ATP13A4: variants seen among roughly 807,000 people sequenced by gnomAD.
ATP13A4 encodes probable cation-transporting ATPase 13A4.
A neutral mutation model predicts 142.5 loss-of-function variants in ATP13A4; 114 were observed. The ratio of observed to expected loss-of-function variants is 0.80; its 90% CI spans 0.69 to 0.93. The LOEUF is 0.93. ATP13A4 is among the 40% of genes least tolerant of loss of function. The pLI, the probability that ATP13A4 is intolerant of heterozygous loss-of-function variation, is 0.00. For synonymous variants in ATP13A4, 488 were observed against 514.8 expected (o/e 0.95, Z 0.70); for missense variants, 1,392 against 1,454.0 (o/e 0.96, Z 0.69).
At chr3:193,557,069 T>C (rs1382041622), upstream of ATP13A4, among the ~76,000 whole-genome samples, 3 of 152,182 alleles carry the variant, frequency 2.0e-5, no homozygotes, top group Non-Finnish European at 2.9e-5. Context: ...CGTTGTGGGA[T>C]TGAGATGAGT....
At chr3:193,436,275 A>G (rs1164833425) in intron 23 of ATP13A4, among the ~76,000 whole-genome samples, 4 of 152,204 alleles carry the variant, frequency 2.6e-5, no homozygotes, top group African/African-American at 4.8e-5. Context: ...CAAATTAGTC[A>G]TATATCAAAT....
rs769634780 is a variant in ATP13A4 at position 193,493,125 on chromosome 3, A to G, written c.417T>C (p.Val139=). 3.5e-5 allele frequency: 56 copies of G among 1,613,206 alleles called. No individual in the cohort carries two copies. Among genetic ancestry groups the G allele is most frequent in the Non-Finnish European group, 4.7e-5 (56 of 1,179,662 alleles). Residue 139 remains valine, a synonymous_variant, in exon 4 of 30, where the codon GTT becomes GTC. Transcript: ENST00000342695. Reference sequence around the variant, plus strand: ...GGAACTGTCCTTCTAAGTAGTTCCAAACATATCTTATTTTCTGCACTTTGA... The same window carrying G: ...GGAACTGTCCTTCTAAGTAGTTCCAGACATATCTTATTTTCTGCACTTTGA... ...RCIKVQKIRY[V]WNYLEGQFQK... is the part of the protein sequence containing the mutation.
chr3:193,428,606 C>G (rs1378628507), intron 25 of ATP13A4, among the ~76,000 whole-genome samples: 4 of 151,934 alleles, frequency 2.6e-5, no homozygotes, highest in African/African-American at 9.7e-5. Flanking sequence ...GAATACTATG[C>G]AGCCATAAAA....
intron 1 of ATP13A4, among the ~76,000 whole-genome samples, chr3:193,551,609 C>T (rs1723569876): frequency 6.6e-6 from 1 of 152,180 alleles, no homozygotes; most frequent in African/African-American, 2.4e-5. Context: ...GGATTATCTC[C>T]ACTGATCTTC....
chr3:193,467,258 C>T, intron 10 of ATP13A4, 58 bp downstream of exon 10: 1 of 1,576,466 alleles, frequency 6.3e-7, no homozygotes, highest in Non-Finnish European at 8.7e-7. Context: ...ATTTAAGGCA[C>T]TAGACAAACT....
Position 193,449,910 on chromosome 3 carries a change from G to A in ATP13A4, c.2028-1580C>T, listed in dbSNP as rs186876956. 2.0e-3 allele frequency among the ~76,000 whole-genome samples: 308 copies of A among 151,998 alleles called. 2 individuals carry two copies. The highest frequency in any genetic ancestry group is 2.9e-3 in the Non-Finnish European group (199 of 67,940). ...CGAGGTGGACGGATCACCTGAGGTCGGGAGTTCGAGACGAGCCTGACCAAC... is the reference window on the plus strand; with the variant it reads ...CGAGGTGGACGGATCACCTGAGGTCAGGAGTTCGAGACGAGCCTGACCAAC... On this transcript the variant is annotated intron_variant, in intron 17 of 29. Coordinates refer to ENST00000342695, the MANE Select transcript of ATP13A4 (RefSeq NM_032279.4).
At chr3:193,584,927 T>TG (rs969416193) in intron 1 of ATP13A4, among the ~76,000 whole-genome samples, 1 of 152,210 alleles carries the variant, frequency 6.6e-6, no homozygotes, top group African/African-American at 2.4e-5. Context: ...TGATATGGAA[T>TG]GTTCCCATGT....
chr3:193,547,882 A>T (rs896921067), intron 1 of ATP13A4, among the ~76,000 whole-genome samples: 1 of 152,176 alleles, frequency 6.6e-6, no homozygotes, highest in African/African-American at 2.4e-5. Flanking sequence ...GGTCTTGCAA[A>T]TTATGTACTC....
intron 28 of ATP13A4, among the ~76,000 whole-genome samples, chr3:193,410,571 T>C (rs1714717435): frequency 6.6e-6 from 1 of 151,978 alleles, no homozygotes; most frequent in African/African-American, 2.4e-5. Flanking sequence ...TTTAAAAAAT[T>C]AGCTGGGCAT....
rs192034974 is a variant in ATP13A4, at chr3:193,424,470, G to A, written c.2842+9375C>T. On this transcript the variant is annotated intron_variant, in intron 25 of 29. Transcript: ENST00000342695. ...CAGTAACTAAAACAGCTTGGTATTG[G>A]TATAAAATAGACACATAGACCAATG... Among the ~76,000 whole-genome samples, 3 of 149,660 alleles carry A rather than the reference G, an allele frequency of 2.0e-5. 1 individual carries two copies. The Admixed American group carries it at 2.1e-4, about 10-fold the overall frequency.
intron 2 of ATP13A4, among the ~76,000 whole-genome samples, chr3:193,509,089 T>C (rs977067375): frequency 2.0e-5 from 3 of 152,046 alleles, no homozygotes; most frequent in African/African-American, 7.2e-5. Flanking sequence ...AAAAAAAAGA[T>C]TCGGGACTTA....
At position 193,435,817 on chromosome 3, in the gene ATP13A4, A is replaced by G. The variant is rs1236846747; in HGVS notation, c.2673-73T>C. The G allele has an allele frequency of 3.8e-6, 5 of 1,323,096 alleles. No homozygotes were observed. In the East Asian group the frequency reaches 9.2e-5, roughly 24 times the overall value. The allele number at this position is 1,323,096 out of a possible 1,614,324, so 82.0% of individuals were successfully genotyped here. A position where few individuals can be genotyped will look rare whatever the true frequency, so the allele number is the denominator to read the frequency against. On this transcript the variant is annotated intron_variant, in intron 23 of 29. Transcript: ENST00000342695. Reference sequence around the variant, plus strand: ...TAAGGTCAGTCATTCTGTGCTGTTCAGCTAAGCTCAGGAGAAAAAAAATCA... The same window carrying G: ...TAAGGTCAGTCATTCTGTGCTGTTCGGCTAAGCTCAGGAGAAAAAAAATCA...
chr3:193,554,672 G>A, intron 1 of ATP13A4, 68 bp downstream of exon 1: 2 of 1,463,818 alleles, frequency 1.4e-6, no homozygotes, highest in Non-Finnish European at 9.6e-7. Flanking sequence ...GTGTGTGTGT[G>A]TGTGTGTGTG....
At chr3:193,417,259 C>T (rs1715112805) in intron 25 of ATP13A4, among the ~76,000 whole-genome samples, 1 of 152,100 alleles carries the variant, frequency 6.6e-6, no homozygotes, top group African/African-American at 2.4e-5. Context: ...TACAAGATAG[C>T]TACTCAAACA....
intron 8 of ATP13A4, among the ~76,000 whole-genome samples, chr3:193,475,329 A>G (rs1184302317): frequency 1.3e-5 from 2 of 152,104 alleles, no homozygotes; most frequent in Non-Finnish European, 2.9e-5. Flanking sequence ...TGAATGAAGA[A>G]TATCTGTATA....
chr3:193,448,115 G>A (rs1002465996), intron 18 of ATP13A4, 91 bp downstream of exon 18: 43 of 1,541,870 alleles, frequency 2.8e-5, no homozygotes, highest in Non-Finnish European at 3.8e-5. Flanking sequence ...CTGGCCCAGA[G>A]TAGGTAGTCA....
intron 1 of ATP13A4, among the ~76,000 whole-genome samples, chr3:193,538,008 C>T (rs537237630): frequency 1.1e-4 from 17 of 152,078 alleles, no homozygotes; most frequent in East Asian, 3.9e-4. Context: ...AGTTTCCTCG[C>T]GGTGATGGAA....
chr3:193,520,769 C>T (rs1292870722), intron 1 of ATP13A4, among the ~76,000 whole-genome samples: 2 of 152,140 alleles, frequency 1.3e-5, no homozygotes, highest in African/African-American at 2.4e-5. Context: ...TCCCATTTTC[C>T]ATTAACAATG....
Position 193,402,358 on chromosome 3 carries a change from A to G in ATP13A4, c.*294T>C, listed in dbSNP as rs1405780065. On this transcript the variant is annotated 3_prime_UTR_variant, in exon 30 of 30. Transcript: ENST00000342695. ...GTCCTGTCCTAAGAGGAAAGATCAC[A>G]TATTTTTCCCCTTTAGCCTGCTTGT... is the stretch of plus-strand genomic sequence containing the variant. The G allele has an allele frequency of 7.6e-6, 3 of 392,864 alleles. No homozygotes were observed. The highest frequency in any genetic ancestry group is 7.6e-5 in the South Asian group (3 of 39,680). The allele number at this position is 392,864 out of a possible 1,614,324, so 24.3% of individuals were successfully genotyped here.
Sources: allele counts gnomAD v4.1 joint callset (sites outside exome capture counted in the v4.1 genomes callset), GRCh38; gene constraint gnomAD v4.1.1; transcripts MANE v1.5; gene names NCBI Gene and HGNC (gene_info 2026-07-23, HGNC 2026-07-21).